Variants in PTDSS1 observed in about 807,000 individuals in gnomAD.
The protein encoded by PTDSS1 is PSS-1.
A neutral mutation model predicts 70.5 loss-of-function variants in PTDSS1; 45 were observed. The ratio of observed to expected loss-of-function variants is 0.64; its 90% CI spans 0.50 to 0.82. PTDSS1 has a LOEUF of 0.82. PTDSS1 is among the 40% of genes least tolerant of loss of function. PTDSS1 has a pLI of 0.00. For synonymous variants in PTDSS1, 188 were observed against 203.8 expected (o/e 0.92, Z 0.66); for missense variants, 417 against 586.1 (o/e 0.71, Z 2.98).
chr8:96,293,451 G>A (rs546818381), intron 4 of PTDSS1, among the ~76,000 whole-genome samples: 13 of 151,878 alleles, frequency 8.6e-5, no homozygotes, highest in Non-Finnish European at 1.3e-4. Context: ...CTGTCCACTT[G>A]ACCCCCTTTC....
At chr8:96,295,611 T>A (rs890243070) in intron 5 of PTDSS1, among the ~76,000 whole-genome samples, 2 of 152,156 alleles carry the variant, frequency 1.3e-5, no homozygotes, top group Non-Finnish European at 2.9e-5. Flanking sequence ...AGCTTCCAGT[T>A]TGAGATAATA....
In PTDSS1 at chr8:96,306,568, C is replaced by A; in HGVS notation, c.1007+12C>A. Reference sequence around the variant, plus strand: ...GCTCCCACAGTGAGGTAATTCTGCACAAGCCTGACTGTCATATGAGAACAT... The same window carrying A: ...GCTCCCACAGTGAGGTAATTCTGCAAAAGCCTGACTGTCATATGAGAACAT... On this transcript the variant is annotated intron_variant, in intron 8 of 12. Coordinates refer to ENST00000517309, the MANE Select transcript of PTDSS1 (RefSeq NM_014754.3). 6.4e-7 allele frequency: 1 copy of A among 1,568,976 alleles called. No individual in the cohort carries two copies.
At chr8:96,291,424 G>A (rs1810901122) in intron 4 of PTDSS1, among the ~76,000 whole-genome samples, 1 of 150,146 alleles carries the variant, frequency 6.7e-6, no homozygotes, top group African/African-American at 2.5e-5. Context: ...CAGTTCTCAG[G>A]AATTAAACCT....
At chr8:96,314,786 C>G (rs907564103) in intron 9 of PTDSS1, among the ~76,000 whole-genome samples, 1 of 152,052 alleles carries the variant, frequency 6.6e-6, no homozygotes, top group African/African-American at 2.4e-5. Context: ...TTAGTAGAGA[C>G]GGGGTTTCAC....
chr8:96,315,893 G>A (rs1049865155), intron 9 of PTDSS1, among the ~76,000 whole-genome samples: 3 of 152,156 alleles, frequency 2.0e-5, no homozygotes, highest in Non-Finnish European at 2.9e-5. Flanking sequence ...GAGCTGTGCG[G>A]AGGAAACCCC....
intron 10 of PTDSS1, among the ~76,000 whole-genome samples, chr8:96,329,950 T>C (rs1811490183): frequency 6.6e-6 from 1 of 152,210 alleles, no homozygotes; most frequent in Non-Finnish European, 1.5e-5. Flanking sequence ...TCCCACCATA[T>C]TGCACATCTG....
chr8:96,316,774 C>A (rs1355207029), intron 9 of PTDSS1, among the ~76,000 whole-genome samples: 2 of 152,146 alleles, frequency 1.3e-5, no homozygotes. Context: ...GTGGGCGGAT[C>A]ACGAGGTCAG....
chr8:96,281,448 G>A (rs193116108), intron 2 of PTDSS1, among the ~76,000 whole-genome samples: 20 of 152,190 alleles, frequency 1.3e-4, no homozygotes, highest in Non-Finnish European at 2.5e-4. Flanking sequence ...CTCACCTTTT[G>A]TAGGCAAAAG....
rs755799481 is a variant in PTDSS1 at position 96,331,090 on chromosome 8, CA to C, written c.1311del (p.Gly438ValfsTer83). 1.9e-6 allele frequency: 3 copies of C among 1,592,618 alleles called. No homozygotes were observed. The highest frequency in any genetic ancestry group is 2.2e-5 in the East Asian group (1 of 44,812). ...PEISWHHRKGTKGSEDSPPKH... is the reference protein window; with the variant it reads ...PEISWHHRKGXKGSEDSPPKH... ...ATCTCCTGGCATCACAGGAAAGGGA[CA>C]AAAGGTATCTTGTTCTTGTTCGTTG... On this transcript the variant is annotated frameshift_variant, in exon 12 of 13. Transcript: ENST00000517309. LOFTEE classifies it high-confidence loss of function.
intron 4 of PTDSS1, among the ~76,000 whole-genome samples, chr8:96,292,994 C>G (rs1202880470): frequency 6.6e-6 from 1 of 152,178 alleles, no homozygotes; most frequent in East Asian, 1.9e-4. Flanking sequence ...GATAGTTGGG[C>G]TGGAGACCTG....
Position 96,320,301 on chromosome 8 carries a change from T to A in PTDSS1, c.1129T>A (p.Ser377Thr). ...VCIKFGQDLFSKTQILYVVLW... is the reference protein window; with the variant it reads ...VCIKFGQDLFTKTQILYVVLW... ...CATAAAATTTGGACAAGATCTCTTC[T>A]CTAAGACCCAAATACTCTATGTTGT... Residue 377 changes from serine to threonine, a missense_variant, in exon 10 of 13, where the codon TCT becomes ACT. By Grantham distance (58) the Ser-to-Thr change is moderately conservative (BLOSUM62 1). Around this residue, in one of 3 missense-constraint regions of PTDSS1, gnomAD observed 107 missense variants for 122.3 expected, o/e 0.88. Transcript: ENST00000517309. 6.2e-7 allele frequency: 1 copy of A among 1,613,540 alleles called. No homozygotes were observed. Among genetic ancestry groups the A allele is most frequent in the Non-Finnish European group, 8.5e-7 (1 of 1,179,462 alleles).
chr8:96,321,504 C>T (rs1362853747), intron 10 of PTDSS1, among the ~76,000 whole-genome samples: 6 of 152,306 alleles, frequency 3.9e-5, no homozygotes, highest in Admixed American at 6.5e-5. Context: ...CTCTTTCCCT[C>T]GTAATTTATC....
intron 10 of PTDSS1, among the ~76,000 whole-genome samples, chr8:96,322,778 A>C (rs1811390408): frequency 6.6e-6 from 1 of 152,170 alleles, no homozygotes; most frequent in African/African-American, 2.4e-5. Flanking sequence ...TCTAAATCAG[A>C]TATGAGTGAC....
intron 2 of PTDSS1, among the ~76,000 whole-genome samples, chr8:96,275,689 C>T (rs536487105): frequency 2.0e-5 from 3 of 152,312 alleles, no homozygotes; most frequent in South Asian, 4.1e-4. Context: ...CAAACTCTAT[C>T]TCAGGTTACA....
intron 9 of PTDSS1, among the ~76,000 whole-genome samples, chr8:96,311,337 TGA>T (rs1186816357): frequency 6.6e-6 from 1 of 152,164 alleles, no homozygotes; most frequent in African/African-American, 2.4e-5. Flanking sequence ...AAAGAAAAAT[TGA>T]GGAAAACCCA....
At chr8:96,275,703 C>A (rs990163295) in intron 2 of PTDSS1, among the ~76,000 whole-genome samples, 2 of 152,150 alleles carry the variant, frequency 1.3e-5, no homozygotes, top group Non-Finnish European at 2.9e-5. Flanking sequence ...GGTTACATAC[C>A]AACGCAAGGC....
chr8:96,263,033 C>T (rs931401867), intron 1 of PTDSS1, among the ~76,000 whole-genome samples: 4 of 152,168 alleles, frequency 2.6e-5, no homozygotes, highest in Non-Finnish European at 5.9e-5. Flanking sequence ...GTGATCTTGT[C>T]CAGCAATTTT....
At chr8:96,277,250 C>G (rs1434822188) in intron 2 of PTDSS1, among the ~76,000 whole-genome samples, 2 of 152,204 alleles carry the variant, frequency 1.3e-5, no homozygotes, top group Admixed American at 1.3e-4. Flanking sequence ...GTAAAACTAA[C>G]TTTTCCACAT....
intron 1 of PTDSS1, among the ~76,000 whole-genome samples, chr8:96,269,384 C>G (rs371710362): frequency 4.6e-5 from 7 of 152,194 alleles, no homozygotes; most frequent in East Asian, 1.9e-4. Context: ...TTGGAGTGTT[C>G]AGGGCACTGC....
Sources: allele counts gnomAD v4.1 joint callset (sites outside exome capture counted in the v4.1 genomes callset), GRCh38; gene constraint gnomAD v4.1.1; regional missense constraint gnomAD v4.1.1; transcripts MANE v1.5; gene names NCBI Gene and HGNC (gene_info 2026-07-23, HGNC 2026-07-21).